Variants in THAP6 observed in about 807,000 individuals in gnomAD.
The protein encoded by THAP6 is THAP domain containing 6.
THAP6 carries 13 observed loss-of-function variants against 20.0 expected under a neutral mutation model. That is an observed-to-expected ratio of 0.65 (90% CI 0.42 to 1.03). The LOEUF is 1.03. Ranked by LOEUF, THAP6 falls within the 50% of genes least tolerant of loss-of-function variation. The pLI is 0.00. For missense variants in THAP6, 262 were observed against 261.6 expected (o/e 1.00, Z -0.01); for synonymous variants, 93 against 92.2 (o/e 1.01, Z -0.05).
intron 4 of THAP6, among the ~76,000 whole-genome samples, chr4:75,523,249 T>C (rs958147349): frequency 4.6e-5 from 7 of 151,988 alleles, no homozygotes; most frequent in African/African-American, 1.7e-4. Context: ...ATGTCTTCTT[T>C]TGAAAAAATG....
intron 2 of THAP6, among the ~76,000 whole-genome samples, chr4:75,536,756 C>G (rs1023361779): frequency 6.6e-6 from 1 of 152,126 alleles, no homozygotes; most frequent in Non-Finnish European, 1.5e-5. Flanking sequence ...AGTCTGCCCA[C>G]CTCAGCCTCC....
At chr4:75,519,011 C>T (rs1417156606) in intron 3 of THAP6, among the ~76,000 whole-genome samples, 2 of 152,158 alleles carry the variant, frequency 1.3e-5, no homozygotes, top group Non-Finnish European at 2.9e-5. Context: ...TGTCACTCCC[C>T]TCAGACCAAG....
chr4:75,529,366 A>G lies in THAP6; in HGVS notation c.*2152A>G. ...AGTCTGCCACTATCAAAATTGCCAC[A>G]GTCACTTTTACTACTTGTGTTCATA... is the stretch of plus-strand genomic sequence containing the variant. On this transcript the variant is annotated 3_prime_UTR_variant, in exon 5 of 5. Transcript: ENST00000311638. The G allele has an allele frequency of 1.0e-6, 1 of 985,444 alleles. No individual in the cohort carries two copies. Among genetic ancestry groups the G allele is most frequent in the Non-Finnish European group, 1.2e-6 (1 of 829,944 alleles). 61.0% of individuals were successfully genotyped at this position (985,444 alleles called of 1,614,324 possible).
intron 3 of THAP6, among the ~76,000 whole-genome samples, chr4:75,545,191 TC>T (rs1428471530): frequency 1.3e-5 from 2 of 152,132 alleles, no homozygotes; most frequent in Admixed American, 1.3e-4. Context: ...AGCTGACTGG[TC>T]CAAGGTCCTG....
In THAP6 at chr4:75,529,992, A is replaced by G. The variant is rs568382891; in HGVS notation, c.*2778A>G. ...AATTGAGAGAGAGAAAATCTATTATAATTTATTTGAAAAATAAAACATTTT... is the reference window on the plus strand; with the variant it reads ...AATTGAGAGAGAGAAAATCTATTATGATTTATTTGAAAAATAAAACATTTT... On this transcript the variant is annotated 3_prime_UTR_variant, in exon 5 of 5. Coordinates refer to ENST00000311638, the MANE Select transcript of THAP6 (RefSeq NM_144721.6). 1 of 913,424 alleles carries G rather than the reference A, an allele frequency of 1.1e-6. No homozygotes were observed. The highest frequency in any genetic ancestry group is 1.2e-4 in the East Asian group (1 of 8,494). The allele number at this position is 913,424 out of a possible 1,614,324, so 56.6% of individuals were successfully genotyped here.
At chr4:75,532,556 G>T (rs1726714570), downstream of THAP6, among the ~76,000 whole-genome samples, 1 of 152,232 alleles carries the variant, frequency 6.6e-6, no homozygotes, top group South Asian at 2.1e-4. Flanking sequence ...GGGACTCTGT[G>T]TGGGGGTTCC....
Position 75,529,538 on chromosome 4 carries a change from T to G in THAP6, c.*2324T>G. On this transcript the variant is annotated 3_prime_UTR_variant, in exon 5 of 5. Coordinates refer to ENST00000311638, the MANE Select transcript of THAP6 (RefSeq NM_144721.6). ...GCAATTACTGATAGAAATGTGAGAT[T>G]AAAAATAGGGTCCTCCCTGCTGCTC... The G allele has an allele frequency of 4.1e-6, 4 of 985,450 alleles. No homozygotes were observed. Among genetic ancestry groups the G allele is most frequent in the South Asian group, 4.7e-5 (1 of 21,288 alleles). 61.0% of individuals were successfully genotyped at this position (985,450 alleles called of 1,614,324 possible). A position where few individuals can be genotyped will look rare whatever the true frequency, so the allele number is the denominator to read the frequency against.
chr4:75,522,931 G>A (rs1726122407), intron 4 of THAP6, among the ~76,000 whole-genome samples: 1 of 152,066 alleles, frequency 6.6e-6, no homozygotes, highest in African/African-American at 2.4e-5. Context: ...TGATGTACTG[G>A]TTTCCTTTCT....
upstream of THAP6, chr4:75,514,279 G>A (rs764176162): frequency 1.1e-5 from 18 of 1,611,792 alleles, no homozygotes; most frequent in Non-Finnish European, 1.4e-5. Flanking sequence ...CCGGGCCGTC[G>A]CCGCCATCTC....
rs938819263 is a variant in THAP6 at position 75,527,526 on chromosome 4, A to G, written c.*312A>G. On this transcript the variant is annotated 3_prime_UTR_variant, in exon 5 of 5. Transcript: ENST00000311638. Reference sequence around the variant, plus strand: ...GATGTCAAATTAGTCACATTAAGCTATAGTAGAAGGAATTGGACACTTCTC... The same window carrying G: ...GATGTCAAATTAGTCACATTAAGCTGTAGTAGAAGGAATTGGACACTTCTC... The G allele has an allele frequency of 4.8e-5, 54 of 1,125,460 alleles. No homozygotes were observed. In the East Asian group the frequency reaches 2.4e-3, roughly 51 times the overall value. The allele number at this position is 1,125,460 out of a possible 1,614,324, so 69.7% of individuals were successfully genotyped here. A position where few individuals can be genotyped will look rare whatever the true frequency, so the allele number is the denominator to read the frequency against.
chr4:75,521,706 T>TTGA (rs1349249882), intron 3 of THAP6, 30 bp from the exon 4 acceptor site: 8 of 1,489,358 alleles, frequency 5.4e-6, no homozygotes, highest in East Asian at 4.7e-5. Context: ...AGTATCTCAC[T>TTGA]TGATGATTAT....
chr4:75,527,802 T>G lies in THAP6; in HGVS notation c.*588T>G, dbSNP rs533458037. The G allele has an allele frequency of 8.1e-4, 800 of 986,064 alleles. No individual in the cohort carries two copies. Among genetic ancestry groups the G allele is most frequent in the Non-Finnish European group, 9.1e-4 (752 of 830,410 alleles). 61.1% of individuals were successfully genotyped at this position (986,064 alleles called of 1,614,324 possible). A position where few individuals can be genotyped will look rare whatever the true frequency, so the allele number is the denominator to read the frequency against. On this transcript the variant is annotated 3_prime_UTR_variant, in exon 5 of 5. Transcript: ENST00000311638. ...CTTTTAAAATTGTTCACAGCCAATTTAAGAAGACCCCTCATGAAGTCTCAG... is the reference window on the plus strand; with the variant it reads ...CTTTTAAAATTGTTCACAGCCAATTGAAGAAGACCCCTCATGAAGTCTCAG...
At position 75,529,004 on chromosome 4, in the gene THAP6, GA is replaced by G; in HGVS notation, c.*1791del. 1.6e-6 allele frequency: 1 copy of G among 623,674 alleles called. No individual in the cohort carries two copies. Among genetic ancestry groups the G allele is most frequent in the Non-Finnish European group, 2.0e-6 (1 of 500,092 alleles). 38.6% of individuals were successfully genotyped at this position (623,674 alleles called of 1,614,324 possible). A position where few individuals can be genotyped will look rare whatever the true frequency, so the allele number is the denominator to read the frequency against. ...GGAGGCGGAGATTGCAGTGAGCCAA[GA>G]TCACGCCGTTGCACTCCAGCCTGAG... On this transcript the variant is annotated 3_prime_UTR_variant, in exon 5 of 5. Coordinates refer to ENST00000311638, the MANE Select transcript of THAP6 (RefSeq NM_144721.6).
chr4:75,517,173 A>G, intron 3 of THAP6, 194 bp downstream of exon 3: 1 of 493,486 alleles, frequency 2.0e-6, no homozygotes, highest in Non-Finnish European at 3.6e-6. Flanking sequence ...ACCTGCCACC[A>G]CACCTGGCTA....
rs760840278 is a variant in THAP6 at position 75,515,419 on chromosome 4, T to A, written c.-20-14T>A. 9 of 1,606,742 alleles carry A rather than the reference T, an allele frequency of 5.6e-6. No homozygotes were observed. The Admixed American group carries it at 1.5e-4, about 27-fold the overall frequency. On this transcript the variant is annotated splice_polypyrimidine_tract_variant and intron_variant, in intron 1 of 4. Coordinates refer to ENST00000311638, the MANE Select transcript of THAP6 (RefSeq NM_144721.6). Reference sequence around the variant, plus strand: ...TTCCGGTTACTAACTCTTAACATTCTAATTTTCTTTCAGTTTTGTTATGAG... The same window carrying A: ...TTCCGGTTACTAACTCTTAACATTCAAATTTTCTTTCAGTTTTGTTATGAG...
Position 75,527,021 on chromosome 4 carries a change from T to A in THAP6, c.476T>A (p.Ile159Asn). Residue 159 changes from isoleucine (I) to asparagine (N), a missense_variant, in exon 5 of 5, where the codon ATC (isoleucine) becomes AAC (asparagine). Physicochemically the swap from Ile to Asn is moderately radical, Grantham distance 149. Transcript: ENST00000311638. ...KKLKHKLDHV[I>N]GELEDTKESL... is the part of the protein sequence containing the mutation. ...CTTAAGCATAAATTAGATCATGTGA[T>A]CGGCGAGCTAGAGGATACAAAGGAA... The A allele has an allele frequency of 6.2e-7, 1 of 1,614,104 alleles. No individual in the cohort carries two copies. Among genetic ancestry groups the A allele is most frequent in the Non-Finnish European group, 8.5e-7 (1 of 1,179,984 alleles).
At chr4:75,532,219 A>T (rs1015719381), downstream of THAP6, among the ~76,000 whole-genome samples, 4 of 152,176 alleles carry the variant, frequency 2.6e-5, no homozygotes, top group African/African-American at 9.7e-5. Flanking sequence ...CAAATGGGAG[A>T]AATTGGCCAA....
chr4:75,524,599 G>T (rs1726248373), intron 4 of THAP6, among the ~76,000 whole-genome samples: 2 of 152,058 alleles, frequency 1.3e-5, no homozygotes, highest in African/African-American at 4.8e-5. Flanking sequence ...GGGGGCGGGG[G>T]CAGTTGTTTT....
chr4:75,520,368 G>A (rs1725946750), intron 3 of THAP6, among the ~76,000 whole-genome samples: 1 of 152,108 alleles, frequency 6.6e-6, no homozygotes. Context: ...CTGGTGATGT[G>A]GATGTTCAGC....
Sources: allele counts gnomAD v4.1 joint callset (sites outside exome capture counted in the v4.1 genomes callset), GRCh38; gene constraint gnomAD v4.1.1; transcripts MANE v1.5; gene names NCBI Gene and HGNC (gene_info 2026-07-23, HGNC 2026-07-21).